Variants in CHODL observed in about 807,000 individuals in gnomAD.
The protein encoded by CHODL is transmembrane protein MT75.
Under a neutral mutation model 34.5 loss-of-function variants are expected in CHODL, and 29 were observed. The ratio of observed to expected loss-of-function variants is 0.84; its 90% CI spans 0.63 to 1.15. CHODL has a LOEUF of 1.15. Ranked by LOEUF, CHODL falls within the 50% of genes most tolerant of loss-of-function variation. CHODL has a pLI of 0.00. For synonymous variants in CHODL, 125 were observed against 116.1 expected (o/e 1.08, Z -0.49); for missense variants, 332 against 332.5 (o/e 1.00, Z 0.01).
At chr21:18,265,648 C>T (rs1180507805) in intron 5 of CHODL, among the ~76,000 whole-genome samples, 1 of 152,082 alleles carries the variant, frequency 6.6e-6, no homozygotes, top group Non-Finnish European at 1.5e-5. Flanking sequence ...AACCAAACAC[C>T]ACCCGTTCCC....
In CHODL at chr21:18,146,380, G is replaced by A. The variant is rs142015629; in HGVS notation, c.-44-110129G>A. Reference sequence around the variant, plus strand: ...CTCATCTTGAATTGTAATCTGAATTGTAATACCCACATAGTGGGGGCGGGA... The same window carrying A: ...CTCATCTTGAATTGTAATCTGAATTATAATACCCACATAGTGGGGGCGGGA... On this transcript the variant is annotated intron_variant, in intron 2 of 6. Transcript: ENST00000400127. 5.3e-5 allele frequency among the ~76,000 whole-genome samples: 8 copies of A among 152,146 alleles called. No individual in the cohort carries two copies. In the East Asian group the frequency reaches 1.5e-3, roughly 29 times the overall value.
intron 1 of CHODL, among the ~76,000 whole-genome samples, chr21:18,022,873 T>A (rs1487714232): frequency 6.6e-6 from 1 of 152,232 alleles, no homozygotes; most frequent in East Asian, 1.9e-4. Flanking sequence ...TAGAGGTTAC[T>A]TGCTCAAGTT....
At chr21:18,173,553 A>T (rs563939008) in intron 2 of CHODL, among the ~76,000 whole-genome samples, 1 of 152,336 alleles carries the variant, frequency 6.6e-6, no homozygotes, top group East Asian at 1.9e-4. Context: ...GCTCAGTGTG[A>T]CAAGAGCAAG....
chr21:17,992,730 T>TTTTTG (rs2063809003), intron 1 of CHODL, among the ~76,000 whole-genome samples: 1 of 144,612 alleles, frequency 6.9e-6, no homozygotes, highest in Non-Finnish European at 1.5e-5. Context: ...TTTTTTTTTT[T>TTTTTG]TTTTTTTTTT....
intron 2 of CHODL, among the ~76,000 whole-genome samples, chr21:18,159,497 A>G (rs2073072043): frequency 1.3e-5 from 2 of 152,306 alleles, no homozygotes; most frequent in South Asian, 2.1e-4. Flanking sequence ...TGAATTTGTT[A>G]TACGAACTCA....
intron 2 of CHODL, among the ~76,000 whole-genome samples, chr21:18,087,016 T>C (rs547686919): frequency 1.4e-3 from 218 of 152,280 alleles, no homozygotes; most frequent in African/African-American, 4.9e-3. Context: ...GGTGAGCTAG[T>C]CCCCAATCCT....
chr21:17,950,391 G>GA (rs1180729153), intron 1 of CHODL, among the ~76,000 whole-genome samples: 2 of 150,624 alleles, frequency 1.3e-5, no homozygotes, highest in East Asian at 1.9e-4. Flanking sequence ...GAGAGAGAGA[G>GA]AAAAAAAATA....
At chr21:17,932,102 TACA>T (rs1197156416) in intron 1 of CHODL, among the ~76,000 whole-genome samples, 2 of 151,926 alleles carry the variant, frequency 1.3e-5, no homozygotes, top group Non-Finnish European at 1.5e-5. Flanking sequence ...CAAGCAACTC[TACA>T]ACAACAACAA....
At chr21:18,139,968 TCTAA>T (rs2072781956) in intron 2 of CHODL, among the ~76,000 whole-genome samples, 1 of 152,192 alleles carries the variant, frequency 6.6e-6, no homozygotes, top group African/African-American at 2.4e-5. Flanking sequence ...AGGACTGTTA[TCTAA>T]CTGAGTTTTT....
chr21:18,096,894 T>A (rs1188718589), intron 2 of CHODL, among the ~76,000 whole-genome samples: 1 of 152,144 alleles, frequency 6.6e-6, no homozygotes, highest in African/African-American at 2.4e-5. Flanking sequence ...CCTACCAATA[T>A]GTGATGGCAC....
chr21:17,986,217 C>T (rs2063752229), intron 1 of CHODL, among the ~76,000 whole-genome samples: 1 of 151,660 alleles, frequency 6.6e-6, no homozygotes, highest in Admixed American at 6.6e-5. Flanking sequence ...GCAGAAACTG[C>T]AGTTTTGTTA....
At chr21:18,114,850 C>A (rs1244681716) in intron 2 of CHODL, 1 of 152,292 alleles carries the variant, frequency 6.6e-6, no homozygotes, top group Non-Finnish European at 1.5e-5. Flanking sequence ...ACAGGCAAGG[C>A]CAACACAAAG....
chr21:17,957,069 T>TG (rs1372886197), intron 1 of CHODL, among the ~76,000 whole-genome samples: 1 of 152,122 alleles, frequency 6.6e-6, no homozygotes, highest in African/African-American at 2.4e-5. Context: ...TATATCACAT[T>TG]GGGGATTAGG....
At chr21:18,208,485 A>G (rs2073738019) in intron 2 of CHODL, among the ~76,000 whole-genome samples, 2 of 151,624 alleles carry the variant, frequency 1.3e-5, no homozygotes, top group African/African-American at 4.8e-5. Flanking sequence ...TTGGTCCCTT[A>G]TGTCTTATTT....
Position 18,266,067 on chromosome 21 carries a change from G to A in CHODL, c.*29G>A, listed in dbSNP as rs576531181. 16 of 1,613,630 alleles carry A rather than the reference G, an allele frequency of 9.9e-6. No individual in the cohort carries two copies. In the East Asian group the frequency reaches 2.0e-4, roughly 20 times the overall value. On this transcript the variant is annotated 3_prime_UTR_variant, in exon 6 of 6. Coordinates refer to ENST00000299295, the MANE Select transcript of CHODL (RefSeq NM_024944.3). ...CTCATTGACTTGGTTCCAGAATTTT[G>A]TAATTCTGGATCTGTATAAGGAATG...
At chr21:18,200,930 G>C (rs1692340355) in intron 2 of CHODL, among the ~76,000 whole-genome samples, 1 of 152,072 alleles carries the variant, frequency 6.6e-6, no homozygotes, top group Admixed American at 6.6e-5. Context: ...CAAAAGCTAG[G>C]AAGAAACAGG....
intron 1 of CHODL, among the ~76,000 whole-genome samples, chr21:17,991,020 C>G (rs2063792935): frequency 1.3e-5 from 2 of 152,070 alleles, no homozygotes; most frequent in African/African-American, 4.8e-5. Flanking sequence ...TTTATGAGAT[C>G]AACTGTTTAA....
At position 17,917,591 on chromosome 21, in the gene CHODL, GCC is replaced by G. The variant is rs200642117; in HGVS notation, c.-145+192_-145+193del. 8.1e-3 allele frequency among the ~76,000 whole-genome samples: 1,209 copies of G among 149,542 alleles called. 16 individuals carry two copies. The highest frequency in any genetic ancestry group is 0.028 in the African/African-American group (1,114 of 39,164). ...AGATTCATGCCCTACCCAAGGTGGG[GCC>G]ATCTGTAGAGGGATGCAGACAACCC... On this transcript the variant is annotated intron_variant, in intron 1 of 6. Coordinates refer to the CHODL transcript ENST00000400127.
At chr21:18,248,703 GTA>G (rs1325040260) in intron 1 of CHODL, among the ~76,000 whole-genome samples, 1 of 113,276 alleles carries the variant, frequency 8.8e-6, no homozygotes, top group African/African-American at 3.8e-5. Context: ...ACATATATAT[GTA>G]TATAATATAT....
Sources: allele counts gnomAD v4.1 joint callset (sites outside exome capture counted in the v4.1 genomes callset), GRCh38; gene constraint gnomAD v4.1.1; transcripts MANE v1.5; gene names NCBI Gene and HGNC (gene_info 2026-07-23, HGNC 2026-07-21).